FARS2: variants seen among roughly 807,000 people sequenced by gnomAD.
The protein encoded by FARS2 is phenylalanyl-tRNA synthetase 2, mitochondrial.
In FARS2, 40 loss-of-function variants were observed where a neutral mutation model predicts 46.4. The ratio of observed to expected loss-of-function variants is 0.86; its 90% CI spans 0.67 to 1.12. FARS2 has a LOEUF of 1.12. Among genes scored for constraint, FARS2 ranks in the 50% most tolerant of loss-of-function variants. FARS2 has a pLI of 0.00. For synonymous variants in FARS2, 234 were observed against 214.9 expected (o/e 1.09, Z -0.78); for missense variants, 513 against 567.9 (o/e 0.90, Z 0.98).
At position 5,771,340 on chromosome 6, in the gene FARS2, C is replaced by A. The variant is rs145697325; in HGVS notation, c.1267C>A (p.Arg423=). Residue 423 remains arginine, a synonymous_variant, in exon 7 of 7, where the codon CGG becomes AGG. Transcript: ENST00000274680. The part of the protein sequence containing the change: ...CYRITYRHME[R]TLSQREVRHI... ...CCGCATCACGTACCGCCACATGGAA[C>A]GGACTCTGTCCCAGAGAGAGGTCAG... 4.3e-6 allele frequency: 7 copies of A among 1,613,986 alleles called. No individual in the cohort carries two copies. In the African/African-American group the frequency reaches 9.3e-5, roughly 22 times the overall value.
intron 6 of FARS2, among the ~76,000 whole-genome samples, chr6:5,643,768 T>G (rs1776940432): frequency 6.6e-6 from 1 of 152,058 alleles, no homozygotes; most frequent in South Asian, 2.1e-4. Flanking sequence ...GCCTGAGCAT[T>G]CATTGTACCT....
At chr6:5,522,612 A>G (rs1769214238) in intron 4 of FARS2, among the ~76,000 whole-genome samples, 1 of 152,252 alleles carries the variant, frequency 6.6e-6, no homozygotes, top group Non-Finnish European at 1.5e-5. Context: ...ATCCATCGCT[A>G]TTCCAATGTC....
intron 5 of FARS2, among the ~76,000 whole-genome samples, chr6:5,551,227 A>G (rs1297724177): frequency 3.3e-5 from 5 of 152,220 alleles, no homozygotes; most frequent in African/African-American, 9.6e-5. Flanking sequence ...TTCTGCCGCT[A>G]TGAATGAACA....
At chr6:5,545,824 T>G (rs748637729) in intron 5 of FARS2, among the ~76,000 whole-genome samples, 1 of 152,128 alleles carries the variant, frequency 6.6e-6, no homozygotes, top group Non-Finnish European at 1.5e-5. Flanking sequence ...TTTTAAATAA[T>G]GTGAATTTGT....
chr6:5,765,025 A>G lies in FARS2; in HGVS notation c.1218-6266A>G, dbSNP rs1458392820. Among the ~76,000 whole-genome samples the G allele has an allele frequency of 3.3e-5, 5 of 152,288 alleles. No individual in the cohort carries two copies. In the East Asian group the frequency reaches 9.7e-4, roughly 29 times the overall value. ...AATCACTGGGGAGGGACCCCTTTTA[A>G]ACATTTATAGTTTTGAGAATGCTTC... is the stretch of plus-strand genomic sequence containing the variant. On this transcript the variant is annotated intron_variant, in intron 6 of 6. Coordinates refer to ENST00000274680, the MANE Select transcript of FARS2 (RefSeq NM_006567.5). This position sits in a 1 kb window ranked among gnomAD's most constrained non-coding sequence, Gnocchi z 4.0.
chr6:5,380,247 T>A (rs1406702849), intron 2 of FARS2, among the ~76,000 whole-genome samples: 1 of 152,196 alleles, frequency 6.6e-6, no homozygotes, highest in African/African-American at 2.4e-5. Flanking sequence ...TTAATATTCT[T>A]TACATCTCAT....
At chr6:5,722,976 A>G (rs1760007341) in intron 6 of FARS2, among the ~76,000 whole-genome samples, 1 of 152,264 alleles carries the variant, frequency 6.6e-6, no homozygotes, top group Non-Finnish European at 1.5e-5. Context: ...CTACAAAGGA[A>G]GTCAAGGGAG....
At chr6:5,729,990 A>T (rs1198476783) in intron 6 of FARS2, among the ~76,000 whole-genome samples, 1 of 152,220 alleles carries the variant, frequency 6.6e-6, no homozygotes, top group Non-Finnish European at 1.5e-5. Flanking sequence ...TGACAACCAC[A>T]AATATCTTCA....
chr6:5,770,262 G>T (rs1762965771), intron 6 of FARS2, among the ~76,000 whole-genome samples: 1 of 152,176 alleles, frequency 6.6e-6, no homozygotes, highest in Non-Finnish European at 1.5e-5. Flanking sequence ...TGTCTCACCT[G>T]CCAGAAAGCA....
intron 4 of FARS2, among the ~76,000 whole-genome samples, chr6:5,479,801 A>C (rs1311918042): frequency 1.3e-5 from 2 of 152,228 alleles, no homozygotes; most frequent in Non-Finnish European, 2.9e-5. Flanking sequence ...TTAGGTAACA[A>C]CTTTAAAGCA....
At chr6:5,328,404 T>G (rs1024220030) in intron 1 of FARS2, among the ~76,000 whole-genome samples, 3 of 152,152 alleles carry the variant, frequency 2.0e-5, no homozygotes, top group African/African-American at 7.2e-5. Context: ...TTGTTTGTTT[T>G]TTTGTTTTTA....
intron 6 of FARS2, among the ~76,000 whole-genome samples, chr6:5,694,017 G>C (rs1757940927): frequency 6.6e-6 from 1 of 152,194 alleles, no homozygotes; most frequent in Non-Finnish European, 1.5e-5. Flanking sequence ...CATAGCCTGC[G>C]CCTCTCAAAG....
At chr6:5,466,901 G>A in intron 4 of FARS2, 1 of 985,362 alleles carries the variant, frequency 1.0e-6, no homozygotes, top group African/African-American at 1.7e-5. Flanking sequence ...TGAGCACATG[G>A]GCACCTCGGC....
At chr6:5,379,878 G>T (rs1364554) in intron 2 of FARS2, among the ~76,000 whole-genome samples, 6,133 of 152,202 alleles carry the variant, frequency 0.04, 398 homozygotes, top group African/African-American at 0.14. Flanking sequence ...TTGCCAGCTG[G>T]CAAAGGAAAA....
At chr6:5,428,296 A>G (rs890011462) in intron 3 of FARS2, among the ~76,000 whole-genome samples, 1 of 152,140 alleles carries the variant, frequency 6.6e-6, no homozygotes, top group South Asian at 2.1e-4. Flanking sequence ...AACCTATCCA[A>G]AATGATTTTT....
intron 3 of FARS2, among the ~76,000 whole-genome samples, chr6:5,418,133 A>G (rs1582045990): frequency 6.6e-6 from 1 of 152,168 alleles, no homozygotes; most frequent in Admixed American, 6.5e-5. Flanking sequence ...CGAATATATA[A>G]TACATATTTT....
intron 4 of FARS2, among the ~76,000 whole-genome samples, chr6:5,470,064 C>G (rs1446999040): frequency 6.6e-6 from 1 of 152,172 alleles, no homozygotes; most frequent in Non-Finnish European, 1.5e-5. Flanking sequence ...TAGTAGACTT[C>G]ATTATTATCT....
chr6:5,685,169 A>C (rs1353894957), intron 6 of FARS2, among the ~76,000 whole-genome samples: 1 of 152,124 alleles, frequency 6.6e-6, no homozygotes, highest in Non-Finnish European at 1.5e-5. Context: ...GGTTCCTATC[A>C]TTTGGGGCCA....
At chr6:5,745,419 A>G (rs750663346) in intron 6 of FARS2, among the ~76,000 whole-genome samples, 4 of 152,122 alleles carry the variant, frequency 2.6e-5, no homozygotes, top group Non-Finnish European at 5.9e-5. Flanking sequence ...ATAAATACCA[A>G]TTTCTGTTTG....
Sources: gnomAD v4.1 joint callset for allele counts (sites outside exome capture counted in the v4.1 genomes callset) on GRCh38, gnomAD v4.1.1 for gene constraint, Gnocchi (gnomAD v3.1) non-coding constraint, MANE v1.5 for transcripts, NCBI Gene and HGNC (gene_info 2026-07-23, HGNC 2026-07-21) for gene names.